The following KCNC3 variants were observed in gnomAD, a reference collection of about 807,000 sequenced individuals.
The protein encoded by KCNC3 is voltage-gated potassium channel KCNC3.
Under a neutral mutation model 43.9 loss-of-function variants are expected in KCNC3, and 22 were observed. The ratio of observed to expected loss-of-function variants is 0.50; its 90% confidence interval spans 0.36 to 0.72. The LOEUF is 0.72. Ranked by LOEUF, KCNC3 falls within the 30% of genes least tolerant of loss-of-function variation. KCNC3 has a pLI of 0.00. For missense variants in KCNC3, 829 were observed against 1,073.8 expected (o/e 0.77, Z 3.19); for synonymous variants, 492 against 488.0 (o/e 1.01, Z -0.11).
chr19:50,331,050 C>A (rs564186867), upstream of KCNC3, among the ~76,000 whole-genome samples: 85 of 152,130 alleles, frequency 5.6e-4, no homozygotes, highest in African/African-American at 2.0e-3. Flanking sequence ...GCCTCCCAAC[C>A]CCATCCCACC....
In KCNC3 at chr19:50,322,879, C is replaced by T. The variant is rs879644479; in HGVS notation, c.1978+96G>A. ...GTTTTTTTCTCCCTCACCTCTTCGA[C>T]GCCAACCACCCCAGGTTCTCTGAAC... On this transcript the variant is annotated intron_variant, in intron 2 of 4. Transcript: ENST00000477616. 4.5e-4 allele frequency: 601 copies of T among 1,346,040 alleles called. 1 individual carries two copies. Among genetic ancestry groups the T allele is most frequent in the Non-Finnish European group, 5.7e-4 (569 of 993,818 alleles). 83.4% of individuals were successfully genotyped at this position (1,346,040 alleles called of 1,614,324 possible). A position where few individuals can be genotyped will look rare whatever the true frequency, so the allele number is the denominator to read the frequency against.
Position 50,329,373 on chromosome 19 carries a change from C to A in KCNC3, c.-291G>T. 1 of 188,804 alleles carries A rather than the reference C, an allele frequency of 5.3e-6. No homozygotes were observed. The highest frequency in any genetic ancestry group is 1.1e-5 in the Non-Finnish European group (1 of 91,986). The allele number at this position is 188,804 out of a possible 1,614,324, so 11.7% of individuals were successfully genotyped here. A position where few individuals can be genotyped will look rare whatever the true frequency, so the allele number is the denominator to read the frequency against. ...GGGCGGGGCGTCAAGGGAGGCGGGA[C>A]CGGTTACTACTAATTGTGTTCGGCA... On this transcript the variant is annotated 5_prime_UTR_variant, in exon 1 of 5. Coordinates refer to ENST00000477616, the MANE Select transcript of KCNC3 (RefSeq NM_004977.3).
Position 50,313,176 on chromosome 19 carries a change from A to C in KCNC3, c.*2939T>G, listed in dbSNP as rs996058100. 1.3e-5 allele frequency: 2 copies of C among 151,770 alleles called. No homozygotes were observed. The highest frequency in any genetic ancestry group is 4.8e-5 in the African/African-American group (2 of 41,292). The allele number at this position is 151,770 out of a possible 1,614,324, so 9.4% of individuals were successfully genotyped here. A position where few individuals can be genotyped will look rare whatever the true frequency, so the allele number is the denominator to read the frequency against. Reference sequence around the variant, plus strand: ...CCTTGAGCCAGGATAGGAGGTGGGAAATGATTTTCCACCCGCGAGCGTGAC... The same window carrying C: ...CCTTGAGCCAGGATAGGAGGTGGGACATGATTTTCCACCCGCGAGCGTGAC... On this transcript the variant is annotated 3_prime_UTR_variant, in exon 5 of 5. Coordinates refer to ENST00000477616, the MANE Select transcript of KCNC3 (RefSeq NM_004977.3).
At position 50,320,241 on chromosome 19, in the gene KCNC3, G is replaced by T; in HGVS notation, c.*5C>A. Reference sequence around the variant, plus strand: ...TACTTACCCCGGGGGGAGGGGGTTCGTCCACTAGGGGGATATCCAGGCCGC... The same window carrying T: ...TACTTACCCCGGGGGGAGGGGGTTCTTCCACTAGGGGGATATCCAGGCCGC... On this transcript the variant is annotated 3_prime_UTR_variant, in exon 4 of 5. Coordinates refer to ENST00000477616, the MANE Select transcript of KCNC3 (RefSeq NM_004977.3). 5.8e-6 allele frequency: 4 copies of T among 695,046 alleles called. No individual in the cohort carries two copies. The highest frequency in any genetic ancestry group is 8.0e-6 in the Non-Finnish European group (4 of 498,512). The allele number at this position is 695,046 out of a possible 1,614,324, so 43.1% of individuals were successfully genotyped here.
At chr19:50,320,885 T>C (rs1267392238) in intron 2 of KCNC3, 101 bp from the exon 3 acceptor site, 1 of 1,164,202 alleles carries the variant, frequency 8.6e-7, no homozygotes, top group African/African-American at 1.5e-5. Context: ...GCTGGGATGG[T>C]CGGCGGATGT....
chr19:50,321,950 A>G (rs1305228497), intron 2 of KCNC3, among the ~76,000 whole-genome samples: 2 of 151,942 alleles, frequency 1.3e-5, no homozygotes, highest in South Asian at 2.1e-4. Flanking sequence ...GTGGCTGTTC[A>G]GGGAAGAGTG....
At chr19:50,317,041 C>G (rs1479003866) in intron 4 of KCNC3, among the ~76,000 whole-genome samples, 2 of 149,652 alleles carry the variant, frequency 1.3e-5, no homozygotes, top group Non-Finnish European at 3.0e-5. Context: ...CTCCCTCACC[C>G]ATAGGCCCAC....
chr19:50,318,159 TTTCTTCTTCTTC>T, intron 4 of KCNC3, among the ~76,000 whole-genome samples: 1 of 151,664 alleles, frequency 6.6e-6, no homozygotes, highest in Non-Finnish European at 1.5e-5. Flanking sequence ...AATTGCTTCT[TTTCTTCTTCTTC>T]TTCTTCTTCT....
intron 4 of KCNC3, among the ~76,000 whole-genome samples, chr19:50,317,353 G>C (rs35577331): frequency 0.41 from 62,886 of 151,858 alleles, 13,663 homozygotes; most frequent in Non-Finnish European, 0.48. Context: ...TTCCCTGAAT[G>C]TCTGTGAAAC....
At chr19:50,319,523 T>A (rs1032643542) in intron 4 of KCNC3, among the ~76,000 whole-genome samples, 1 of 152,226 alleles carries the variant, frequency 6.6e-6, no homozygotes, top group Non-Finnish European at 1.5e-5. Context: ...CAACCGTTCC[T>A]GTCGATGGGA....
chr19:50,323,752 G>A lies in KCNC3; in HGVS notation c.1201C>T (p.Leu401Phe). ...PFYLEVGLSG[L>F]SSKAAKDVLG... The stretch of plus-strand genomic sequence containing the variant: ...ACGTCTTTGGCGGCCTTGGAGCTGA[G>A]GCCCGAGAGGCCCACCTCGAGATAG... Residue 401 changes from leucine (L) to phenylalanine (F), a missense_variant, in exon 2 of 5, where the codon CTC (leucine) becomes TTC (phenylalanine). By Grantham distance (22) the Leu-to-Phe change is conservative. Transcript: ENST00000477616. 1 of 1,614,228 alleles carries A rather than the reference G, an allele frequency of 6.2e-7. No homozygotes were observed. Among genetic ancestry groups the A allele is most frequent in the Non-Finnish European group, 8.5e-7 (1 of 1,180,038 alleles).
chr19:50,320,423 G>C, intron 3 of KCNC3, 74 bp from the exon 4 acceptor site: 1 of 636,728 alleles, frequency 1.6e-6, no homozygotes, highest in South Asian at 1.8e-5. Flanking sequence ...GGTCAGTGGT[G>C]AGGAAACTTG....
rs957988783 is a variant in KCNC3, at chr19:50,313,327, C to G, written c.*2788G>C. On this transcript the variant is annotated 3_prime_UTR_variant, in exon 5 of 5. Coordinates refer to ENST00000477616, the MANE Select transcript of KCNC3 (RefSeq NM_004977.3). ...AGCCTCTGTGATCATCTGTGGACTA[C>G]TTTAAATGGAAACACTCTTAACCTA... 6.6e-6 allele frequency: 1 copy of G among 152,224 alleles called. No individual in the cohort carries two copies. The highest frequency in any genetic ancestry group is 1.5e-5 in the Non-Finnish European group (1 of 68,048). The allele number at this position is 152,224 out of a possible 1,614,324, so 9.4% of individuals were successfully genotyped here.
intron 1 of KCNC3, among the ~76,000 whole-genome samples, chr19:50,326,548 A>G (rs2123541484): frequency 6.6e-6 from 1 of 151,862 alleles, no homozygotes; most frequent in Admixed American, 6.6e-5. Context: ...AGGACGCGGC[A>G]CGGTGGGGGG....
At chr19:50,322,722 TGA>T (rs2037048996) in intron 2 of KCNC3, among the ~76,000 whole-genome samples, 1 of 152,174 alleles carries the variant, frequency 6.6e-6, no homozygotes, top group African/African-American at 2.4e-5. Context: ...GCACAGCTGA[TGA>T]CACTGCCTCT....
rs1444905251 is a variant in KCNC3, at chr19:50,323,351, A to G, written c.1602T>C (p.Pro534=). ...ALAGVLTIAM[P]VPVIVNNFGM... ...CAAAGTTGTTGACAATGACGGGCAC[A>G]GGCATGGCGATGGTCAGCACCCCCG... The change falls in exon 2 of 5, where the codon CCT becomes CCC. Residue 534 remains proline, a synonymous_variant. Transcript: ENST00000477616. 1 of 1,614,028 alleles carries G rather than the reference A, an allele frequency of 6.2e-7. No individual in the cohort carries two copies. The highest frequency in any genetic ancestry group is 1.3e-5 in the African/African-American group (1 of 74,940).
Position 50,320,277 on chromosome 19 carries a change from T to C in KCNC3, c.2243A>G (p.Asn748Ser), listed in dbSNP as rs1299925483. Residue 748 changes from asparagine to serine, a missense_variant, in exon 4 of 5, where the codon AAC (asparagine) becomes AGC (serine). Asn to Ser is a conservative substitution (Grantham distance 46). Transcript: ENST00000477616. ...PGPPSFLPDLNANAAAWISP is the reference protein window; with the variant it reads ...PGPPSFLPDLSANAAAWISP ...GGATATCCAGGCCGCGGCGTTGGCG[T>C]TGAGGTCGGGCAAGAAGCTTGGGGG... 3.2e-6 allele frequency: 3 copies of C among 938,506 alleles called. No homozygotes were observed. Among genetic ancestry groups the C allele is most frequent in the African/African-American group, 2.0e-5 (1 of 49,804 alleles). 58.1% of individuals were successfully genotyped at this position (938,506 alleles called of 1,614,324 possible).
At position 50,324,535 on chromosome 19, in the gene KCNC3, G is replaced by C. The variant is rs1004262276; in HGVS notation, c.871-453C>G. 6.6e-6 allele frequency among the ~76,000 whole-genome samples: 1 copy of C among 152,068 alleles called. No homozygotes were observed. The highest frequency in any genetic ancestry group is 1.5e-5 in the Non-Finnish European group (1 of 68,004). On this transcript the variant is annotated intron_variant, in intron 1 of 4. Coordinates refer to ENST00000477616, the MANE Select transcript of KCNC3 (RefSeq NM_004977.3). This position sits in a 1 kb window ranked among gnomAD's most constrained non-coding sequence, Gnocchi z 4.1. ...GGGCTCAGCTTGGAGCTGGGCAGAC[G>C]GGAAGGGAGAAGGCGGGCAGGGAGG... is the stretch of plus-strand genomic sequence containing the variant.
upstream of KCNC3, among the ~76,000 whole-genome samples, chr19:50,332,605 G>A (rs2037200692): frequency 6.6e-6 from 1 of 152,086 alleles, no homozygotes; most frequent in Admixed American, 6.5e-5. The surrounding 1 kb of genome is among the most constrained non-coding windows in gnomAD (Gnocchi z 5.8). Flanking sequence ...TAGAGAGGAG[G>A]GGGCTTCTGG....
Sources: gnomAD v4.1 joint callset for allele counts (sites outside exome capture counted in the v4.1 genomes callset) on GRCh38, gnomAD v4.1.1 for gene constraint, Gnocchi (gnomAD v3.1) non-coding constraint, MANE v1.5 for transcripts, NCBI Gene and HGNC (gene_info 2026-07-23, HGNC 2026-07-21) for gene names.